YAP1: variants seen among roughly 807,000 people sequenced by gnomAD.
The protein encoded by YAP1 is Yes1 associated transcriptional regulator, also known as transcriptional coactivator YAP1.
Under a neutral mutation model 56.9 loss-of-function variants are expected in YAP1, and 5 were observed. The ratio of observed to expected loss-of-function variants is 0.09; its 90% CI spans 0.05 to 0.18. The LOEUF (loss-of-function observed/expected upper bound fraction) is 0.18, where lower values mean the gene tolerates loss of function less well. YAP1 is among the 10% of genes least tolerant of loss of function. The pLI is 1.00. For missense variants in YAP1, 539 were observed against 651.8 expected (o/e 0.83, Z 1.88); for synonymous variants, 265 against 248.1 (o/e 1.07, Z -0.64).
At chr11:102,178,116 T>C (rs1451266333) in intron 3 of YAP1, among the ~76,000 whole-genome samples, 1 of 152,192 alleles carries the variant, frequency 6.6e-6, no homozygotes, top group African/African-American at 2.4e-5. Context: ...GTTAAGTGAC[T>C]TAACATTTGC....
intron 3 of YAP1, among the ~76,000 whole-genome samples, chr11:102,176,677 C>T (rs569591357): frequency 2.3e-4 from 29 of 125,182 alleles, no homozygotes; most frequent in Non-Finnish European, 4.1e-4. Context: ...ACCCAGGAGG[C>T]GGAGGTTGCA....
At chr11:102,210,538 A>T (rs770811093) in intron 6 of YAP1, among the ~76,000 whole-genome samples, 44 of 152,316 alleles carry the variant, frequency 2.9e-4, no homozygotes, top group Non-Finnish European at 5.9e-4. Context: ...TATCTATCTC[A>T]TAAATGCCAC....
At chr11:102,179,266 C>T (rs1383338597) in intron 3 of YAP1, among the ~76,000 whole-genome samples, 1 of 152,094 alleles carries the variant, frequency 6.6e-6, no homozygotes, top group Admixed American at 6.6e-5. Context: ...GGCATGATAG[C>T]CCAGCCTTGA....
At chr11:102,111,294 G>A in intron 1 of YAP1, 125 bp downstream of exon 1, 5 of 1,147,934 alleles carry the variant, frequency 4.4e-6, no homozygotes, top group Non-Finnish European at 5.9e-6. Flanking sequence ...GCTGGGGTGG[G>A]GGTCCCGAGG....
intron 7 of YAP1, among the ~76,000 whole-genome samples, chr11:102,224,703 T>C (rs1014304540): frequency 1.3e-5 from 2 of 152,230 alleles, no homozygotes; most frequent in Non-Finnish European, 2.9e-5. Context: ...GGTGGCCTAG[T>C]TGGAAGGTTT....
intron 2 of YAP1, among the ~76,000 whole-genome samples, chr11:102,148,019 T>C (rs1945420372): frequency 6.6e-6 from 1 of 152,184 alleles, no homozygotes; most frequent in Non-Finnish European, 1.5e-5. Flanking sequence ...TTTGAAAGCA[T>C]CTTTGAATTT....
intron 1 of YAP1, among the ~76,000 whole-genome samples, chr11:102,113,304 A>T (rs1038102919): frequency 1.3e-5 from 2 of 152,218 alleles, no homozygotes; most frequent in African/African-American, 4.8e-5. Flanking sequence ...AAGTTCTTTC[A>T]TATACATCCA....
chr11:102,194,047 C>T (rs190705907), intron 4 of YAP1, among the ~76,000 whole-genome samples: 4 of 152,190 alleles, frequency 2.6e-5, no homozygotes, highest in South Asian at 2.1e-4. Context: ...ACTCGTGATC[C>T]GCCCACCTCG....
chr11:102,164,653 A>T (rs549621548), intron 3 of YAP1, among the ~76,000 whole-genome samples: 8 of 152,288 alleles, frequency 5.3e-5, no homozygotes, highest in Non-Finnish European at 8.8e-5. Flanking sequence ...GGTCTAGAGA[A>T]ATGAGAGTAT....
At chr11:102,187,113 A>G (rs1948008223) in intron 4 of YAP1, among the ~76,000 whole-genome samples, 1 of 152,162 alleles carries the variant, frequency 6.6e-6, no homozygotes, top group South Asian at 2.1e-4. Context: ...TGAAAACACA[A>G]CCCTGCGGGG....
intron 3 of YAP1, among the ~76,000 whole-genome samples, chr11:102,167,818 G>C (rs1174874153): frequency 6.6e-6 from 1 of 152,130 alleles, no homozygotes; most frequent in African/African-American, 2.4e-5. Flanking sequence ...TGGGAGGATT[G>C]CTTGAGCCTA....
At chr11:102,193,471 T>C (rs2135541497) in intron 4 of YAP1, among the ~76,000 whole-genome samples, 1 of 152,318 alleles carries the variant, frequency 6.6e-6, no homozygotes, top group Non-Finnish European at 1.5e-5. Flanking sequence ...AATAAATACT[T>C]TGGTTAGCTA....
chr11:102,204,033 G>A (rs1256682107), intron 4 of YAP1, among the ~76,000 whole-genome samples: 1 of 151,954 alleles, frequency 6.6e-6, no homozygotes, highest in Non-Finnish European at 1.5e-5. Flanking sequence ...TCTGAGGGAG[G>A]TTGGTCTGTA....
chr11:102,226,842 A>C (rs186112120), intron 7 of YAP1: 2 of 152,344 alleles, frequency 1.3e-5, no homozygotes, highest in East Asian at 3.9e-4. Flanking sequence ...CCAAACACAG[A>C]AGCAAGGAGA....
intron 8 of YAP1, among the ~76,000 whole-genome samples, chr11:102,229,365 A>T (rs1434900220): frequency 6.6e-6 from 1 of 152,156 alleles, no homozygotes; most frequent in East Asian, 1.9e-4. Context: ...TCTGGAAGAC[A>T]GGGTAGTGAT....
intron 4 of YAP1, among the ~76,000 whole-genome samples, chr11:102,189,448 G>A (rs1207963498): frequency 6.6e-6 from 1 of 152,098 alleles, no homozygotes; most frequent in Non-Finnish European, 1.5e-5. Context: ...TTACCAATCT[G>A]TGTTTTAGGA....
intron 2 of YAP1, among the ~76,000 whole-genome samples, chr11:102,128,816 G>A (rs551965243): frequency 4.6e-5 from 7 of 152,106 alleles, no homozygotes; most frequent in Admixed American, 2.0e-4. Context: ...CTATCTGTTC[G>A]TTTGCCATTT....
intron 2 of YAP1, among the ~76,000 whole-genome samples, chr11:102,120,077 A>G (rs1453101354): frequency 6.6e-6 from 1 of 152,176 alleles, no homozygotes; most frequent in Non-Finnish European, 1.5e-5. Flanking sequence ...AGGGCTTCTG[A>G]TTCTAGGATT....
chr11:102,231,823 A>G lies in YAP1; in HGVS notation c.*1883A>G, dbSNP rs1950443628. 6.6e-6 allele frequency: 1 copy of G among 152,564 alleles called. No homozygotes were observed. Among genetic ancestry groups the G allele is most frequent in the Admixed American group, 6.6e-5 (1 of 15,256 alleles). The allele number at this position is 152,564 out of a possible 1,614,324, so 9.5% of individuals were successfully genotyped here. A position where few individuals can be genotyped will look rare whatever the true frequency, so the allele number is the denominator to read the frequency against. ...CTGCTATGAAAAGCCTCAGCTTGGG[A>G]AGATAGATTTTTTTCCCCCCAATTA... On this transcript the variant is annotated 3_prime_UTR_variant, in exon 9 of 9. Coordinates refer to ENST00000282441, the MANE Select transcript of YAP1 (RefSeq NM_001130145.3).
Sources: gnomAD v4.1 joint callset for allele counts (sites outside exome capture counted in the v4.1 genomes callset) on GRCh38, gnomAD v4.1.1 for gene constraint, MANE v1.5 for transcripts, NCBI Gene and HGNC (gene_info 2026-07-23, HGNC 2026-07-21) for gene names.